Variants in PTPRR observed in about 807,000 individuals in gnomAD.
PTPRR encodes receptor-type tyrosine-protein phosphatase R.
A neutral mutation model predicts 77.2 loss-of-function variants in PTPRR; 38 were observed. That is an observed-to-expected ratio of 0.49 (90% CI 0.38 to 0.65). PTPRR has a LOEUF of 0.65. Among genes scored for constraint, PTPRR ranks in the 30% least tolerant of loss-of-function variants. The probability of loss-of-function intolerance (pLI) is 0.00; values close to 1 mark genes in which losing one functional copy is unlikely to be tolerated. For missense variants in PTPRR, 744 were observed against 799.2 expected, an observed-to-expected ratio of 0.93 and a Z score of 0.83; for synonymous variants, 299 against 283.1, an observed-to-expected ratio of 1.06 and a Z score of -0.57.
intron 6 of PTPRR, among the ~76,000 whole-genome samples, chr12:70,710,021 G>A (rs1274352533): frequency 1.3e-5 from 2 of 151,674 alleles, no homozygotes; most frequent in African/African-American, 4.8e-5. Context: ...CAATTTTTGA[G>A]AAAGACTATT....
rs1010269861 is a variant in PTPRR at position 70,868,288 on chromosome 12, T to C, written c.357+24391A>G. ...GGAAAAAATTTTCGCAACCTACTCA[T>C]CTGACAAAGGGCTAATATCCAGAAT... On this transcript the variant is annotated intron_variant, in intron 2 of 13. Coordinates refer to ENST00000283228, the MANE Select transcript of PTPRR (RefSeq NM_002849.4). Among the ~76,000 whole-genome samples the C allele has an allele frequency of 7.9e-5, 12 of 151,514 alleles. No homozygotes were observed. The South Asian group carries it at 1.7e-3, about 21-fold the overall frequency.
chr12:70,795,386 A>C (rs1891493791), intron 2 of PTPRR, among the ~76,000 whole-genome samples: 1 of 152,244 alleles, frequency 6.6e-6, no homozygotes, highest in Non-Finnish European at 1.5e-5. Context: ...AAATGTGATC[A>C]ACCTTTGATG....
chr12:70,662,696 CATT>C (rs1886840799), intron 10 of PTPRR, 91 bp from the exon 11 acceptor site: 6 of 623,098 alleles, frequency 9.6e-6, no homozygotes, highest in Admixed American at 6.4e-5. Flanking sequence ...AGTTTTATAT[CATT>C]AGTTTTAAAA....
At chr12:70,640,730 C>T (rs890198130) in intron 13 of PTPRR, among the ~76,000 whole-genome samples, 1 of 152,170 alleles carries the variant, frequency 6.6e-6, no homozygotes, top group African/African-American at 2.4e-5. Flanking sequence ...TCTTGTCTCA[C>T]TGTAACAAGA....
chr12:70,826,913 G>C (rs1033017033), intron 2 of PTPRR, among the ~76,000 whole-genome samples: 1 of 152,092 alleles, frequency 6.6e-6, no homozygotes, highest in African/African-American at 2.4e-5. Context: ...TTTCTGTCCT[G>C]TGAACATGCC....
intron 7 of PTPRR, among the ~76,000 whole-genome samples, chr12:70,700,077 C>G (rs2136779653): frequency 6.6e-6 from 1 of 152,278 alleles, no homozygotes; most frequent in South Asian, 2.1e-4. Flanking sequence ...CTACAGGTCT[C>G]ATTTTCTTCA....
At chr12:70,801,859 C>A (rs992054171) in intron 2 of PTPRR, among the ~76,000 whole-genome samples, 1 of 152,134 alleles carries the variant, frequency 6.6e-6, no homozygotes, top group Non-Finnish European at 1.5e-5. Flanking sequence ...TACTGGCAAT[C>A]CAGAATAAAC....
intron 1 of PTPRR, among the ~76,000 whole-genome samples, chr12:70,898,963 T>C (rs553374202): frequency 6.6e-6 from 1 of 151,410 alleles, no homozygotes; most frequent in East Asian, 1.9e-4. Flanking sequence ...ACAAATAAAT[T>C]CAACAATTTA....
At chr12:70,870,844 CATTA>C (rs1892946915) in intron 2 of PTPRR, among the ~76,000 whole-genome samples, 1 of 152,160 alleles carries the variant, frequency 6.6e-6, no homozygotes, top group African/African-American at 2.4e-5. Context: ...AGTATTATTG[CATTA>C]ATTAATACTG....
chr12:70,655,989 A>C (rs1592639665), intron 13 of PTPRR, among the ~76,000 whole-genome samples: 1 of 152,098 alleles, frequency 6.6e-6, no homozygotes, highest in East Asian at 1.9e-4. Flanking sequence ...AGAAAGGAGG[A>C]TCCCTCGAGC....
intron 2 of PTPRR, among the ~76,000 whole-genome samples, chr12:70,855,619 A>G (rs1892638372): frequency 6.6e-6 from 1 of 152,202 alleles, no homozygotes; most frequent in Non-Finnish European, 1.5e-5. Flanking sequence ...ACCTTGAGCA[A>G]GCTTCCTAGC....
At chr12:70,750,043 T>C (rs1277354338) in intron 5 of PTPRR, among the ~76,000 whole-genome samples, 2 of 152,230 alleles carry the variant, frequency 1.3e-5, no homozygotes, top group Non-Finnish European at 2.9e-5. Context: ...CTTGGAAAAC[T>C]GTATTTTTCT....
intron 12 of PTPRR, among the ~76,000 whole-genome samples, chr12:70,658,833 C>G (rs147883880): frequency 1.8e-4 from 25 of 140,702 alleles, no homozygotes; most frequent in African/African-American, 6.4e-4. Flanking sequence ...AAGGAGTTCA[C>G]TGACCTCTGC....
intron 6 of PTPRR, among the ~76,000 whole-genome samples, chr12:70,703,248 T>TA (rs1292706547): frequency 2.0e-5 from 3 of 152,208 alleles, no homozygotes; most frequent in Non-Finnish European, 4.4e-5. Context: ...CATCTGGCTT[T>TA]AAAAAATGAA....
At chr12:70,644,407 A>T (rs923818736) in intron 13 of PTPRR, among the ~76,000 whole-genome samples, 98 of 152,314 alleles carry the variant, frequency 6.4e-4, no homozygotes, top group African/African-American at 2.4e-3. Context: ...GTTCATTACC[A>T]GGGGGGACCA....
intron 6 of PTPRR, among the ~76,000 whole-genome samples, chr12:70,728,156 ATCCCT>A (rs1889509817): frequency 6.6e-6 from 1 of 150,774 alleles, no homozygotes; most frequent in South Asian, 2.1e-4. Context: ...GTATCCCTGT[ATCCCT>A]TATCCGAAAT....
chr12:70,820,361 A>G (rs753851172), intron 2 of PTPRR, among the ~76,000 whole-genome samples: 1 of 151,886 alleles, frequency 6.6e-6, no homozygotes, highest in Non-Finnish European at 1.5e-5. Flanking sequence ...ATGGAGTCTC[A>G]CTCTGTCGCC....
At chr12:70,671,668 C>T (rs756395230) in intron 10 of PTPRR, among the ~76,000 whole-genome samples, 1 of 152,212 alleles carries the variant, frequency 6.6e-6, no homozygotes, top group Non-Finnish European at 1.5e-5. Context: ...TCTCTGAGGA[C>T]AATTACTGCA....
intron 2 of PTPRR, among the ~76,000 whole-genome samples, chr12:70,793,621 G>C (rs1891460213): frequency 6.6e-6 from 1 of 152,120 alleles, no homozygotes; most frequent in Admixed American, 6.6e-5. Flanking sequence ...AAACACCTGG[G>C]AAAGCTTCAC....
Sources: allele counts gnomAD v4.1 joint callset (sites outside exome capture counted in the v4.1 genomes callset), GRCh38; gene constraint gnomAD v4.1.1; transcripts MANE v1.5; gene names NCBI Gene and HGNC (gene_info 2026-07-23, HGNC 2026-07-21).